SPATA17: variants seen among roughly 807,000 people sequenced by gnomAD.
SPATA17 encodes the protein spermatogenesis associated 17, also known as spermatogenesis-associated protein 17.
Under a neutral mutation model 62.2 loss-of-function variants are expected in SPATA17, and 53 were observed. The observed-to-expected ratio is 0.85, with a 90% CI of 0.68 to 1.07. The LOEUF (loss-of-function observed/expected upper bound fraction) is 1.07, where lower values mean the gene tolerates loss of function less well. Ranked by LOEUF, SPATA17 falls within the 50% of genes least tolerant of loss-of-function variation. The pLI is 0.00. For synonymous variants in SPATA17, 146 were observed against 146.8 expected (o/e 0.99, Z 0.04); for missense variants, 466 against 425.5 (o/e 1.10, Z -0.84).
intron 8 of SPATA17, among the ~76,000 whole-genome samples, chr1:217,783,600 GTGA>G (rs995778251): frequency 6.6e-6 from 1 of 151,990 alleles, no homozygotes; most frequent in African/African-American, 2.4e-5. Context: ...ATAAAATTTA[GTGA>G]TGATTATCTA....
rs548776764 is a variant in SPATA17 at position 217,710,736 on chromosome 1, A to G, written c.395+27375A>G. Among the ~76,000 whole-genome samples the G allele has an allele frequency of 3.3e-5, 5 of 152,310 alleles. No homozygotes were observed. The South Asian group carries it at 8.3e-4, about 25-fold the overall frequency. On this transcript the variant is annotated intron_variant, in intron 5 of 10. Coordinates refer to ENST00000366933, the MANE Select transcript of SPATA17 (RefSeq NM_138796.4). Reference sequence around the variant, plus strand: ...CCATTTAAGTACTATGGATTTTAGTACATTTGTAGAGTTTTGCAACCATCA... The same window carrying G: ...CCATTTAAGTACTATGGATTTTAGTGCATTTGTAGAGTTTTGCAACCATCA...
Position 217,631,439 on chromosome 1 carries a change from A to T in SPATA17, c.61A>T (p.Arg21Trp), listed in dbSNP as rs201773842. Residue 21 changes from arginine (R) to tryptophan (W), a missense_variant, in exon 1 of 11, where the codon AGG (arginine) becomes TGG (tryptophan). Physicochemically the swap from Arg to Trp is moderately radical, Grantham distance 101. Coordinates refer to ENST00000366933, the MANE Select transcript of SPATA17 (RefSeq NM_138796.4). ...SSTVGNQYYFRNSVVDPFRKK... is the reference protein window; with the variant it reads ...SSTVGNQYYFWNSVVDPFRKK... ...GACTGTAGGAAATCAGTACTACTTT[A>T]GGAACAGGTAAGTCAGGAAGAGAAG... is the stretch of plus-strand genomic sequence containing the variant. The T allele has an allele frequency of 4.4e-4, 709 of 1,614,180 alleles. 8 individuals carry two copies. The South Asian group carries it at 7.1e-3, about 16-fold the overall frequency.
At chr1:217,799,903 G>A (rs1268371404) in intron 8 of SPATA17, among the ~76,000 whole-genome samples, 1 of 151,628 alleles carries the variant, frequency 6.6e-6, no homozygotes, top group African/African-American at 2.4e-5. Flanking sequence ...ATTTTTCTCA[G>A]GAGAATATTT....
intron 9 of SPATA17, among the ~76,000 whole-genome samples, chr1:217,853,749 A>G (rs1004486894): frequency 3.9e-5 from 6 of 152,186 alleles, no homozygotes; most frequent in African/African-American, 1.2e-4. Context: ...GCTTCCATTT[A>G]AAAACACCCT....
At chr1:217,721,084 G>T (rs534748270) in intron 5 of SPATA17, among the ~76,000 whole-genome samples, 42 of 152,276 alleles carry the variant, frequency 2.8e-4, no homozygotes, top group South Asian at 1.2e-3. Context: ...GATGTACCAT[G>T]AACTATAACA....
rs750665329 is a variant in SPATA17, at chr1:217,714,488, CT to C, written c.396-27473del. 1.7e-3 allele frequency among the ~76,000 whole-genome samples: 204 copies of C among 121,298 alleles called. 1 individual carries two copies. Among genetic ancestry groups the C allele is most frequent in the Admixed American group, 1.6e-3 (20 of 12,272 alleles). The allele number at this position is 121,298 out of a possible 152,430, so 79.6% of individuals were successfully genotyped here. A position where few individuals can be genotyped will look rare whatever the true frequency, so the allele number is the denominator to read the frequency against. On this transcript the variant is annotated intron_variant, in intron 5 of 10. Coordinates refer to ENST00000366933, the MANE Select transcript of SPATA17 (RefSeq NM_138796.4). ...TGAGTTGAACGTGGAAAACGTGTTT[CT>C]TTTTTTTTTTTTTGAGACAGAGTCT... is the stretch of plus-strand genomic sequence containing the variant.
Position 217,761,156 on chromosome 1 carries a change from A to C in SPATA17, c.520-13178A>C, listed in dbSNP as rs570050402. Among the ~76,000 whole-genome samples, 35 of 152,292 alleles carry C rather than the reference A, an allele frequency of 2.3e-4. 1 individual carries two copies. The highest frequency in any genetic ancestry group is 2.2e-4 in the Non-Finnish European group (15 of 68,002). ...TGTGGGACCTCTCTGAGATCTGCACACTGCTCATCACACTTCAGTTCTCGA... is the reference window on the plus strand; with the variant it reads ...TGTGGGACCTCTCTGAGATCTGCACCCTGCTCATCACACTTCAGTTCTCGA... On this transcript the variant is annotated intron_variant, in intron 6 of 10. Transcript: ENST00000366933.
intron 1 of SPATA17, among the ~76,000 whole-genome samples, chr1:217,643,197 A>C (rs1558548852): frequency 6.6e-6 from 1 of 152,160 alleles, no homozygotes; most frequent in African/African-American, 2.4e-5. Flanking sequence ...CTTTTCTGAC[A>C]GAGAGAAACC....
At chr1:217,720,456 T>G (rs1672100307) in intron 5 of SPATA17, among the ~76,000 whole-genome samples, 1 of 152,104 alleles carries the variant, frequency 6.6e-6, no homozygotes, top group Admixed American at 6.6e-5. Flanking sequence ...TTTTTTTTCT[T>G]TTTTCTGAAA....
Position 217,862,847 on chromosome 1 carries a change from T to C in SPATA17, c.1079T>C (p.Ile360Thr), listed in dbSNP as rs1558081247. 1.9e-6 allele frequency: 3 copies of C among 1,605,784 alleles called. No homozygotes were observed. Among genetic ancestry groups the C allele is most frequent in the East Asian group, 2.2e-5 (1 of 44,672 alleles). ...YGKLYSKAGQ[I>T]V ...AAATTATATTCAAAAGCTGGACAGA[T>C]TGTATAAAGGTATGACTTTTTGCTA... The change falls in exon 10 of 11, where the codon ATT (isoleucine) becomes ACT (threonine). Residue 360 changes from isoleucine (I) to threonine (T), a missense_variant. Ile to Thr is a moderately conservative substitution (Grantham distance 89, BLOSUM62 -1). Coordinates refer to ENST00000366933, the MANE Select transcript of SPATA17 (RefSeq NM_138796.4).
chr1:217,786,351 G>C (rs977703228), intron 8 of SPATA17, among the ~76,000 whole-genome samples: 1 of 152,128 alleles, frequency 6.6e-6, no homozygotes, highest in Non-Finnish European at 1.5e-5. Flanking sequence ...ATAAGGAACT[G>C]AGTTGGATCC....
chr1:217,760,072 T>C (rs1673135157), intron 6 of SPATA17, among the ~76,000 whole-genome samples: 1 of 151,768 alleles, frequency 6.6e-6, no homozygotes. Context: ...ATCCAGAGAG[T>C]AGAGCTTTTG....
chr1:217,641,514 G>T (rs969325648), intron 1 of SPATA17, among the ~76,000 whole-genome samples: 4 of 151,916 alleles, frequency 2.6e-5, no homozygotes, highest in Non-Finnish European at 4.4e-5. Context: ...GGACTTAAAA[G>T]TAAAATATGA....
chr1:217,711,847 G>C (rs1297703356), intron 5 of SPATA17, among the ~76,000 whole-genome samples: 2 of 152,138 alleles, frequency 1.3e-5, no homozygotes, highest in Non-Finnish European at 2.9e-5. Flanking sequence ...GGGTTGTCCT[G>C]AAGCTAAAAT....
At chr1:217,677,063 T>C (rs1670963489) in intron 4 of SPATA17, among the ~76,000 whole-genome samples, 1 of 152,138 alleles carries the variant, frequency 6.6e-6, no homozygotes, top group Non-Finnish European at 1.5e-5. Context: ...AACAATTTTG[T>C]TCAGATTGAA....
intron 1 of SPATA17, 51 bp downstream of exon 1, chr1:217,631,497 A>G (rs750797621): frequency 6.3e-7 from 1 of 1,586,124 alleles, no homozygotes; most frequent in South Asian, 1.1e-5. Flanking sequence ...ACTTTATACC[A>G]GTTGTTCCTC....
intron 1 of SPATA17, among the ~76,000 whole-genome samples, chr1:217,635,671 T>C (rs1669919636): frequency 6.6e-6 from 1 of 151,934 alleles, no homozygotes; most frequent in South Asian, 2.1e-4. Flanking sequence ...ACCATTGCAC[T>C]CCAGCCTGGG....
chr1:217,851,246 A>G (rs1675658688), intron 9 of SPATA17, among the ~76,000 whole-genome samples: 1 of 152,112 alleles, frequency 6.6e-6, no homozygotes, highest in Admixed American at 6.6e-5. Flanking sequence ...ATTCAATGAC[A>G]GTTATTGATA....
chr1:217,814,136 C>A (rs1674660486), intron 9 of SPATA17, among the ~76,000 whole-genome samples: 1 of 152,058 alleles, frequency 6.6e-6, no homozygotes, highest in African/African-American at 2.4e-5. Context: ...TAAATCTGAG[C>A]ATATTAGTTA....
Sources: allele counts gnomAD v4.1 joint callset (sites outside exome capture counted in the v4.1 genomes callset), GRCh38; gene constraint gnomAD v4.1.1; transcripts MANE v1.5; gene names NCBI Gene and HGNC (gene_info 2026-07-23, HGNC 2026-07-21).